PAX8: variants seen among roughly 807,000 people sequenced by gnomAD.
PAX8 encodes paired box protein Pax-8.
In PAX8, 15 loss-of-function variants were observed where a neutral mutation model predicts 52.4. The ratio of observed to expected loss-of-function variants is 0.29; its 90% CI spans 0.19 to 0.44. The LOEUF is 0.44. Among genes scored for constraint, PAX8 ranks in the 20% least tolerant of loss-of-function variants. PAX8 has a pLI of 1.00. For synonymous variants in PAX8, 284 were observed against 249.7 expected, an observed-to-expected ratio of 1.14 and a Z score of -1.29; for missense variants, 554 against 602.5, an observed-to-expected ratio of 0.92 and a Z score of 0.84.
intron 2 of PAX8, among the ~76,000 whole-genome samples, chr2:113,251,366 C>T (rs546001360): frequency 9.5e-4 from 140 of 147,606 alleles, no homozygotes; most frequent in Non-Finnish European, 1.6e-3. Flanking sequence ...CCTGGTTGGG[C>T]GGGAAGTGGG....
intron 9 of PAX8, among the ~76,000 whole-genome samples, chr2:113,229,560 AC>A (rs1325884969): frequency 2.0e-5 from 3 of 152,196 alleles, no homozygotes; most frequent in African/African-American, 7.2e-5. Flanking sequence ...ATGGGGTGAA[AC>A]CCACTAGAAT....
At chr2:113,234,680 C>A (rs1166758679) in intron 9 of PAX8, among the ~76,000 whole-genome samples, 1 of 152,138 alleles carries the variant, frequency 6.6e-6, no homozygotes, top group African/African-American at 2.4e-5. Context: ...GCCACCACAC[C>A]CCCTAATTTT....
At chr2:113,244,929 A>G (rs1023813316) in intron 3 of PAX8, among the ~76,000 whole-genome samples, 4 of 152,210 alleles carry the variant, frequency 2.6e-5, no homozygotes, top group African/African-American at 9.7e-5. Flanking sequence ...TATGGGGCAC[A>G]AAAGATTTCC....
rs1313075240 is a variant in PAX8, at chr2:113,220,312, G to T, written c.1190-134C>A. 4.4e-6 allele frequency: 3 copies of T among 685,094 alleles called. No homozygotes were observed. The African/African-American group carries it at 5.3e-5, about 12-fold the overall frequency. 42.4% of individuals were successfully genotyped at this position (685,094 alleles called of 1,614,324 possible). A position where few individuals can be genotyped will look rare whatever the true frequency, so the allele number is the denominator to read the frequency against. ...GGGAGACAGTTGGAGCCACGGCAGG[G>T]ACAATGGAGCTCAGAAGGTCCCTCT... is the stretch of plus-strand genomic sequence containing the variant. On this transcript the variant is annotated intron_variant, in intron 10 of 11. Transcript: ENST00000429538.
intron 2 of PAX8, among the ~76,000 whole-genome samples, chr2:113,249,880 T>C (rs993895379): frequency 6.6e-6 from 1 of 152,200 alleles, no homozygotes; most frequent in Admixed American, 6.5e-5. Context: ...GTCTTATCAT[T>C]TGAGAAAGTG....
At position 113,218,007 on chromosome 2, in the gene PAX8, G is replaced by A. The variant is rs1192314226; in HGVS notation, c.*526C>T. 1.7e-5 allele frequency: 4 copies of A among 233,636 alleles called. No individual in the cohort carries two copies. The highest frequency in any genetic ancestry group is 1.8e-4 in the South Asian group (1 of 5,542). The allele number at this position is 233,636 out of a possible 1,614,324, so 14.5% of individuals were successfully genotyped here. On this transcript the variant is annotated 3_prime_UTR_variant, in exon 12 of 12. Coordinates refer to ENST00000429538, the MANE Select transcript of PAX8 (RefSeq NM_003466.4). ...GAGAAAGAGGACAGCCAGAGCCTCC[G>A]TGTGGGGCAGGCGGGAGGCTGAGGG...
rs185509087 is a variant in PAX8, at chr2:113,242,726, C to T, written c.442G>A (p.Val148Met). Residue 148 changes from valine to methionine, a missense_variant, in exon 5 of 12, where the codon GTG becomes ATG. Transcript: ENST00000429538. ...CCGGGACTCAGGGACTTGGTGGCCA[C>T]GCAGCTGTCCATAGGGAGGTTGAAT... ...QPFNLPMDSC[V>M]ATKSLSPGHT... The T allele has an allele frequency of 6.0e-5, 97 of 1,613,924 alleles. No individual in the cohort carries two copies. In the East Asian group the frequency reaches 7.1e-4, roughly 12 times the overall value.
In PAX8 at chr2:113,242,390, A is replaced by G. The variant is rs150326718; in HGVS notation, c.479-260T>C. 1.9e-3 allele frequency among the ~76,000 whole-genome samples: 285 copies of G among 152,194 alleles called. 2 individuals carry two copies. The highest frequency in any genetic ancestry group is 1.6e-3 in the Admixed American group (24 of 15,308). ...TGTGCAGGAGGCAGCAAGCCGAACCATGGACTGAGCCCTGGAGGGGCTCAG... is the reference window on the plus strand; with the variant it reads ...TGTGCAGGAGGCAGCAAGCCGAACCGTGGACTGAGCCCTGGAGGGGCTCAG... On this transcript the variant is annotated intron_variant, in intron 5 of 11. Coordinates refer to ENST00000429538, the MANE Select transcript of PAX8 (RefSeq NM_003466.4).
At chr2:113,255,203 AGAGGGAAGGAGG>A (rs1558737059) in intron 2 of PAX8, among the ~76,000 whole-genome samples, 1 of 84,070 alleles carries the variant, frequency 1.2e-5, no homozygotes, top group Admixed American at 1.2e-4. Flanking sequence ...AGGGAAGGAG[AGAGGGAAGGAGG>A]GAGGGGAGGA....
chr2:113,231,703 G>T (rs1242775998), intron 9 of PAX8, among the ~76,000 whole-genome samples: 1 of 152,104 alleles, frequency 6.6e-6, no homozygotes, highest in Non-Finnish European at 1.5e-5. Context: ...GGAATAATGT[G>T]GCCTCAACTT....
intron 2 of PAX8, among the ~76,000 whole-genome samples, chr2:113,257,795 T>G (rs1692368361): frequency 6.6e-6 from 1 of 152,206 alleles, no homozygotes; most frequent in South Asian, 2.1e-4. Context: ...ATAGCCAGTA[T>G]TATGGGAGGT....
At chr2:113,233,084 A>C (rs1689999259) in intron 9 of PAX8, among the ~76,000 whole-genome samples, 1 of 118,814 alleles carries the variant, frequency 8.4e-6, no homozygotes, top group Non-Finnish European at 1.7e-5. Context: ...CTATCCTCTC[A>C]TTCCCCTCCC....
chr2:113,278,468 C>A lies in PAX8; in HGVS notation c.-74G>T, dbSNP rs887809713. ...TAGGTCCGGGCCGCGCCTGCCGCTGCCCTGCACAAACCCAGGAGAAGGGCA... is the reference window on the plus strand; with the variant it reads ...TAGGTCCGGGCCGCGCCTGCCGCTGACCTGCACAAACCCAGGAGAAGGGCA... On this transcript the variant is annotated splice_region_variant and 5_prime_UTR_variant, in exon 2 of 12. Transcript: ENST00000429538. 1 of 1,601,478 alleles carries A rather than the reference C, an allele frequency of 6.2e-7. No individual in the cohort carries two copies. Among genetic ancestry groups the A allele is most frequent in the Non-Finnish European group, 8.5e-7 (1 of 1,174,718 alleles).
intron 10 of PAX8, chr2:113,225,809 G>A: frequency 1.8e-6 from 1 of 565,810 alleles, no homozygotes; most frequent in Non-Finnish European, 2.2e-6. Context: ...AGGTGGAGGG[G>A]TTGGAAGGGG....
At chr2:113,268,977 TGGG>T (rs1693287747) in intron 2 of PAX8, 2 of 152,246 alleles carry the variant, frequency 1.3e-5, no homozygotes, top group African/African-American at 4.8e-5. Context: ...CCATGGGCCA[TGGG>T]GACCTTCCTG....
At chr2:113,244,795 C>T (rs1404164371) in intron 3 of PAX8, among the ~76,000 whole-genome samples, 171 bp from the exon 4 acceptor site, 2 of 152,136 alleles carry the variant, frequency 1.3e-5, no homozygotes, top group African/African-American at 4.8e-5. Context: ...TATCTGTTTC[C>T]CTCACTTGGG....
intron 10 of PAX8, among the ~76,000 whole-genome samples, chr2:113,224,376 G>A (rs961645962): frequency 3.3e-5 from 5 of 151,884 alleles, no homozygotes; most frequent in South Asian, 2.1e-4. Context: ...GTGAAACTCC[G>A]TCTCTACCAA....
At chr2:113,239,480 C>G (rs1045120086) in intron 7 of PAX8, 2 of 152,252 alleles carry the variant, frequency 1.3e-5, no homozygotes, top group African/African-American at 4.8e-5. Flanking sequence ...ATTCCTATGC[C>G]CAGGTGAGAG....
At chr2:113,240,215 G>T (rs569706516) in intron 7 of PAX8, 3 of 152,302 alleles carry the variant, frequency 2.0e-5, no homozygotes, top group African/African-American at 7.2e-5. Flanking sequence ...TGACTGGTGC[G>T]TGAGCACCCC....
Sources: allele counts gnomAD v4.1 joint callset (sites outside exome capture counted in the v4.1 genomes callset), GRCh38; gene constraint gnomAD v4.1.1; transcripts MANE v1.5; gene names NCBI Gene and HGNC (gene_info 2026-07-23, HGNC 2026-07-21).